Variants in WDSUB1 observed in about 807,000 individuals in gnomAD.
The protein encoded by WDSUB1 is WD repeat, SAM and U-box domain-containing protein 1.
WDSUB1 carries 49 observed loss-of-function variants against 53.9 expected under a neutral mutation model. That is an observed-to-expected ratio of 0.91 (90% confidence interval 0.72 to 1.15). The LOEUF (loss-of-function observed/expected upper bound fraction) is 1.15. WDSUB1 is among the 50% of genes most tolerant of loss of function. The pLI, the probability that WDSUB1 is intolerant of heterozygous loss-of-function variation, is 0.00. For missense variants in WDSUB1, 514 were observed against 562.0 expected, an observed-to-expected ratio of 0.91 and a Z score of 0.86; for synonymous variants, 194 against 200.6, an observed-to-expected ratio of 0.97 and a Z score of 0.28.
At chr2:159,251,307 A>G (rs1429345296) in intron 9 of WDSUB1, among the ~76,000 whole-genome samples, 2 of 152,034 alleles carry the variant, frequency 1.3e-5, no homozygotes, top group African/African-American at 4.8e-5. Flanking sequence ...GGAGCAACTA[A>G]TATTCTTTAA....
In WDSUB1 at chr2:159,259,790, C is replaced by A. The variant is rs1219703633; in HGVS notation, c.804+20G>T. 1 of 1,515,392 alleles carries A rather than the reference C, an allele frequency of 6.6e-7. No individual in the cohort carries two copies. The allele number at this position is 1,515,392 out of a possible 1,614,324, so 93.9% of individuals were successfully genotyped here. On this transcript the variant is annotated intron_variant, in intron 6 of 10. Transcript: ENST00000359774. ...TAAACATAACTTTCATAGATCACCA[C>A]AAGATTTTTAAATACTTACAGTATC...
rs1425318590 is a variant in WDSUB1, at chr2:159,286,653, G to A, written c.-95C>T. 1 of 152,584 alleles carries A rather than the reference G, an allele frequency of 6.6e-6. No individual in the cohort carries two copies. The highest frequency in any genetic ancestry group is 1.5e-5 in the Non-Finnish European group (1 of 68,404). The allele number at this position is 152,584 out of a possible 1,614,324, so 9.5% of individuals were successfully genotyped here. The stretch of plus-strand genomic sequence containing the variant: ...GGCGGTGCGGGTCACGTGCCGCGCA[G>A]GTGAGGCTGGCGGGGCGGGCGCCGG... On this transcript the variant is annotated 5_prime_UTR_variant, in exon 1 of 11. Coordinates refer to ENST00000359774, the MANE Select transcript of WDSUB1 (RefSeq NM_001128212.3).
chr2:159,259,970 T>G, intron 5 of WDSUB1, 127 bp from the exon 6 acceptor site: 1 of 1,051,818 alleles, frequency 9.5e-7, no homozygotes, highest in Non-Finnish European at 1.3e-6. Context: ...ACATTTAGAA[T>G]GCAATCCTTT....
At chr2:159,241,560 TCAAAA>T (rs1194729487) in intron 10 of WDSUB1, among the ~76,000 whole-genome samples, 1 of 147,998 alleles carries the variant, frequency 6.8e-6, no homozygotes, top group Non-Finnish European at 1.5e-5. Flanking sequence ...AGACTCTGTC[TCAAAA>T]CAAAAATTAT....
chr2:159,276,849 T>G (rs143218842), intron 3 of WDSUB1, among the ~76,000 whole-genome samples: 73 of 152,228 alleles, frequency 4.8e-4, no homozygotes, highest in African/African-American at 1.7e-3. Flanking sequence ...CAAAAAATTT[T>G]TTTAAATTAG....
chr2:159,239,834 C>G (rs535202534), intron 10 of WDSUB1, among the ~76,000 whole-genome samples: 27 of 152,280 alleles, frequency 1.8e-4, no homozygotes, highest in African/African-American at 6.3e-4. Context: ...GCTCCCCCAC[C>G]TTGGGGGCCT....
intron 10 of WDSUB1, among the ~76,000 whole-genome samples, chr2:159,242,144 G>T (rs2060669311): frequency 6.8e-6 from 1 of 146,780 alleles, no homozygotes; most frequent in African/African-American, 2.7e-5. Flanking sequence ...TCTGCCTCCT[G>T]GGTTCATGCC....
Position 159,286,584 on chromosome 2 carries a change from T to G in WDSUB1, c.-26A>C, listed in dbSNP as rs1026785994. ...GCCCGTGGGCGCGGCCGCTCTCACC[T>G]GCAGGAGCGGGGGCGCGCGGGATCC... On this transcript the variant is annotated splice_region_variant and 5_prime_UTR_variant, in exon 1 of 11. Coordinates refer to ENST00000359774, the MANE Select transcript of WDSUB1 (RefSeq NM_001128212.3). 2 of 152,148 alleles carry G rather than the reference T, an allele frequency of 1.3e-5. No homozygotes were observed. Among genetic ancestry groups the G allele is most frequent in the African/African-American group, 4.8e-5 (2 of 41,396 alleles). The allele number at this position is 152,148 out of a possible 1,614,324, so 9.4% of individuals were successfully genotyped here.
intron 10 of WDSUB1, among the ~76,000 whole-genome samples, chr2:159,239,010 G>T (rs1266794443): frequency 1.3e-5 from 2 of 151,906 alleles, no homozygotes; most frequent in South Asian, 2.1e-4. Flanking sequence ...GGTGTGTGTG[G>T]TTTTTTTCTA....
chr2:159,262,050 G>T, intron 5 of WDSUB1, among the ~76,000 whole-genome samples: 1 of 150,728 alleles, frequency 6.6e-6, no homozygotes, highest in Non-Finnish European at 1.5e-5. Context: ...GAGCTGGCTA[G>T]AGCCCAGCCA....
At chr2:159,272,446 G>A (rs951855120) in intron 4 of WDSUB1, among the ~76,000 whole-genome samples, 2 of 152,088 alleles carry the variant, frequency 1.3e-5, no homozygotes, top group Admixed American at 6.5e-5. Flanking sequence ...TCATAGAGTC[G>A]GGGGATTTGT....
chr2:159,248,360 C>T lies in WDSUB1; in HGVS notation c.1273+12G>A, dbSNP rs762519069. 3.1e-6 allele frequency: 5 copies of T among 1,610,358 alleles called. No homozygotes were observed. The Admixed American group carries it at 8.4e-5, about 27-fold the overall frequency. On this transcript the variant is annotated intron_variant, in intron 10 of 10. Coordinates refer to ENST00000359774, the MANE Select transcript of WDSUB1 (RefSeq NM_001128212.3). ...AAACATCCCCTGCAACTTAGTATAGCATCACACATACCTGATGCGATGACC... is the reference window on the plus strand; with the variant it reads ...AAACATCCCCTGCAACTTAGTATAGTATCACACATACCTGATGCGATGACC...
intron 5 of WDSUB1, among the ~76,000 whole-genome samples, chr2:159,265,876 G>A (rs1185223080): frequency 1.3e-5 from 2 of 152,226 alleles, no homozygotes; most frequent in Non-Finnish European, 2.9e-5. Context: ...AAAACCTCTT[G>A]CGTATTTTGC....
intron 9 of WDSUB1, among the ~76,000 whole-genome samples, chr2:159,248,825 C>G (rs111645714): frequency 6.6e-6 from 1 of 152,138 alleles, no homozygotes; most frequent in Admixed American, 6.5e-5. Context: ...ACGCTGGTCT[C>G]GAATTCCTGG....
chr2:159,264,726 G>A (rs77680330), intron 5 of WDSUB1, among the ~76,000 whole-genome samples: 12,576 of 152,116 alleles, frequency 0.083, 1,154 homozygotes, highest in African/African-American at 0.22. Flanking sequence ...GTGGGCAAGT[G>A]GGTTGCCGAT....
intron 10 of WDSUB1, among the ~76,000 whole-genome samples, chr2:159,240,230 G>C (rs971808734): frequency 1.3e-5 from 2 of 152,096 alleles, no homozygotes; most frequent in Non-Finnish European, 2.9e-5. Context: ...GCATTTTTAT[G>C]GCTCGATATT....
intron 10 of WDSUB1, among the ~76,000 whole-genome samples, chr2:159,246,431 C>CAAAAAAAAAA (rs35443297): frequency 8.5e-6 from 1 of 117,150 alleles, no homozygotes; most frequent in Non-Finnish European, 1.7e-5. Context: ...GAGTCTGTCT[C>CAAAAAAAAAA]AAAAAAAAAA....
intron 4 of WDSUB1, among the ~76,000 whole-genome samples, chr2:159,273,479 G>T (rs1365158833): frequency 6.6e-6 from 1 of 151,992 alleles, no homozygotes; most frequent in Non-Finnish European, 1.5e-5. Flanking sequence ...GGAGTGCGGT[G>T]GTACAGTCTC....
intron 5 of WDSUB1, among the ~76,000 whole-genome samples, chr2:159,268,708 CAAAAGG>C (rs1184225308): frequency 6.6e-6 from 1 of 152,076 alleles, no homozygotes; most frequent in Non-Finnish European, 1.5e-5. Context: ...CAAAAGTATT[CAAAAGG>C]AAAAGAGTAT....
Sources: gnomAD v4.1 joint callset for allele counts (sites outside exome capture counted in the v4.1 genomes callset) on GRCh38, gnomAD v4.1.1 for gene constraint, MANE v1.5 for transcripts, NCBI Gene and HGNC (gene_info 2026-07-23, HGNC 2026-07-21) for gene names.